The following EIF3B variants were observed in gnomAD, a reference collection of about 807,000 sequenced individuals.
EIF3B encodes eukaryotic translation initiation factor 3 subunit B, also known as eukaryotic translation initiation factor 3 subunit 9.
In EIF3B, 10 loss-of-function variants were observed where a neutral mutation model predicts 104.6. The observed-to-expected ratio is 0.10, with a 90% CI of 0.06 to 0.16. The LOEUF (loss-of-function observed/expected upper bound fraction) is 0.16. Among genes scored for constraint, EIF3B ranks in the 10% least tolerant of loss-of-function variants. The probability of loss-of-function intolerance (pLI) is 1.00; values close to 1 mark genes in which losing one functional copy is unlikely to be tolerated. For synonymous variants in EIF3B, 542 were observed against 417.2 expected (o/e 1.30, Z -3.65); for missense variants, 1,014 against 1,087.9 (o/e 0.93, Z 0.96).
In EIF3B at chr7:2,379,501, G is replaced by A. The variant is rs1451629287; in HGVS notation, c.*4G>A. 1 of 1,563,612 alleles carries A rather than the reference G, an allele frequency of 6.4e-7. No homozygotes were observed. The highest frequency in any genetic ancestry group is 8.7e-7 in the Non-Finnish European group (1 of 1,152,690). ...TCCCCTCGGGAATCAGGAGTGACCTGGAGCACTGTGGTGAGCGTCTGCAGG... is the reference window on the plus strand; with the variant it reads ...TCCCCTCGGGAATCAGGAGTGACCTAGAGCACTGTGGTGAGCGTCTGCAGG... On this transcript the variant is annotated 3_prime_UTR_variant, in exon 18 of 19. Coordinates refer to ENST00000360876, the MANE Select transcript of EIF3B (RefSeq NM_001037283.2).
chr7:2,366,181 C>T (rs1780017482), intron 6 of EIF3B, 136 bp from the exon 7 acceptor site: 6 of 875,292 alleles, frequency 6.9e-6, no homozygotes, highest in Non-Finnish European at 1.0e-5. Flanking sequence ...CCGCTTGGGT[C>T]TCTTGGGGCC....
chr7:2,355,708 A>G (rs1779383776), intron 1 of EIF3B, among the ~76,000 whole-genome samples: 1 of 152,136 alleles, frequency 6.6e-6, no homozygotes, highest in Non-Finnish European at 1.5e-5. Context: ...GAGAGGGCAC[A>G]TGGGGTACTC....
chr7:2,356,348 C>G (rs1056842573), intron 1 of EIF3B, among the ~76,000 whole-genome samples: 1 of 152,100 alleles, frequency 6.6e-6, no homozygotes, highest in African/African-American at 2.4e-5. Flanking sequence ...CTGGGTGGCT[C>G]ACGCCTGTAA....
intron 18 of EIF3B, chr7:2,379,908 C>G (rs2115347706): frequency 3.9e-6 from 1 of 259,084 alleles, no homozygotes. Flanking sequence ...AGACAAGAGC[C>G]TTCCAAGTCG....
At chr7:2,370,746 C>CA (rs1447883089) in intron 10 of EIF3B, among the ~76,000 whole-genome samples, 1 of 151,956 alleles carries the variant, frequency 6.6e-6, no homozygotes, top group Non-Finnish European at 1.5e-5. Context: ...GCCTGGGAAA[C>CA]ACAGTGAGAC....
Position 2,355,106 on chromosome 7 carries a change from C to G in EIF3B, c.185C>G (p.Pro62Arg). The change falls in exon 1 of 19, where the codon CCG becomes CGG. Residue 62 changes from proline to arginine, a missense_variant. Physicochemically the swap from Pro to Arg is moderately radical, Grantham distance 103. This residue lies in a region of EIF3B where 488 missense variants were observed against 404.3 expected (regional missense o/e 1.21). Transcript: ENST00000360876. ...SEEVGIAEAG[P>R]ESEVRTEPAA... ...GAGGTGGGGATCGCGGAGGCCGGGC[C>G]GGAGTCCGAGGTGAGGACCGAGCCG... The G allele has an allele frequency of 7.4e-7, 1 of 1,355,648 alleles. No individual in the cohort carries two copies. The highest frequency in any genetic ancestry group is 9.4e-7 in the Non-Finnish European group (1 of 1,059,856). 84.0% of individuals were successfully genotyped at this position (1,355,648 alleles called of 1,614,324 possible). A position where few individuals can be genotyped will look rare whatever the true frequency, so the allele number is the denominator to read the frequency against.
chr7:2,365,190 A>G (rs1041058442), intron 6 of EIF3B, among the ~76,000 whole-genome samples: 1 of 152,190 alleles, frequency 6.6e-6, no homozygotes, highest in African/African-American at 2.4e-5. Context: ...GGCTCAAGTG[A>G]TCTCCTGCCT....
chr7:2,372,704 T>C lies in EIF3B; in HGVS notation c.1719T>C (p.Asn573=). ...ETIIAFAWEP[N]GSKFAVLHGE... The stretch of plus-strand genomic sequence containing the variant: ...TCATAGCCTTTGCCTGGGAACCAAA[T>C]GGAAGTAAGTTTGCTGTGCTGCACG... Residue 573 remains asparagine (N), a synonymous_variant, in exon 12 of 19, where the codon AAT becomes AAC. Coordinates refer to ENST00000360876, the MANE Select transcript of EIF3B (RefSeq NM_001037283.2). 6.2e-7 allele frequency: 1 copy of C among 1,614,112 alleles called. No individual in the cohort carries two copies. Among genetic ancestry groups the C allele is most frequent in the Non-Finnish European group, 8.5e-7 (1 of 1,179,986 alleles).
chr7:2,372,323 C>A (rs1249933594), intron 11 of EIF3B: 2 of 251,768 alleles, frequency 7.9e-6, no homozygotes, highest in Non-Finnish European at 1.5e-5. Context: ...GGCCGCCCTT[C>A]CAGGCAGGGA....
In EIF3B at chr7:2,355,280, G is replaced by C. The variant is rs1263217631; in HGVS notation, c.359G>C (p.Arg120Pro). 1 of 1,534,282 alleles carries C rather than the reference G, an allele frequency of 6.5e-7. No individual in the cohort carries two copies. Among genetic ancestry groups the C allele is most frequent in the Non-Finnish European group, 8.7e-7 (1 of 1,147,270 alleles). The stretch of plus-strand genomic sequence containing the variant: ...GCTCGGGACGAGCGCTCCGACAGCC[G>C]GGCCCAGGCGGTGTCCGAGGACGCG... ...EQARDERSDSRAQAVSEDAGG... is the reference protein window; with the variant it reads ...EQARDERSDSPAQAVSEDAGG... Residue 120 changes from arginine (R) to proline (P), a missense_variant, in exon 1 of 19, where the codon CGG (arginine) becomes CCG (proline). This residue lies in a region of EIF3B where 488 missense variants were observed against 404.3 expected (regional missense o/e 1.21). Coordinates refer to ENST00000360876, the MANE Select transcript of EIF3B (RefSeq NM_001037283.2).
intron 1 of EIF3B, among the ~76,000 whole-genome samples, chr7:2,356,866 T>C (rs981684995): frequency 6.6e-5 from 10 of 151,824 alleles, no homozygotes; most frequent in African/African-American, 2.2e-4. Flanking sequence ...TTTTTTTTCA[T>C]AAAAGACATT....
chr7:2,364,316 G>A lies in EIF3B; in HGVS notation c.1000-56G>A, dbSNP rs539631913. 4.2e-6 allele frequency: 6 copies of A among 1,438,990 alleles called. No homozygotes were observed. The African/African-American group carries it at 4.4e-5, about 10-fold the overall frequency. The allele number at this position is 1,438,990 out of a possible 1,614,324, so 89.1% of individuals were successfully genotyped here. On this transcript the variant is annotated intron_variant, in intron 5 of 18. Transcript: ENST00000360876. ...TTGTAGGATAAATTCATTGTAGGAG[G>A]GGTCTTTGTGTTTGCCATTTTGTTG...
intron 1 of EIF3B, among the ~76,000 whole-genome samples, chr7:2,356,877 T>TTAGCATGAA (rs1443247115): frequency 6.6e-6 from 1 of 152,142 alleles, no homozygotes; most frequent in Non-Finnish European, 1.5e-5. Flanking sequence ...AAAAGACATT[T>TTAGCATGAA]TAGCATGAAA....
At chr7:2,363,176 G>T in intron 4 of EIF3B, 49 bp downstream of exon 4, 1 of 1,578,282 alleles carries the variant, frequency 6.3e-7, no homozygotes, top group Non-Finnish European at 8.7e-7. Flanking sequence ...AATGCTGCTG[G>T]GTGTGGTGGG....
chr7:2,378,756 A>C lies in EIF3B; in HGVS notation c.2222A>C (p.Lys741Thr), dbSNP rs1387256170. ...FEQKDRLSQS[K>T]ASKELVERRR... ...CAGAAGGATCGTTTGAGTCAGTCCA[A>C]AGCCTCAAAGGTGAGCCTCATTCCC... Residue 741 changes from lysine to threonine, a missense_variant, in exon 16 of 19, where the codon AAA becomes ACA. Coordinates refer to ENST00000360876, the MANE Select transcript of EIF3B (RefSeq NM_001037283.2). The C allele has an allele frequency of 6.2e-7, 1 of 1,613,634 alleles. No homozygotes were observed.
Position 2,375,212 on chromosome 7 carries a change from T to A in EIF3B, c.1890-177T>A, listed in dbSNP as rs1204952653. Reference sequence around the variant, plus strand: ...GTCATATGTAATACTCACTGCACACTCTGCATCTGTGATTTGGTAAGTCTC... The same window carrying A: ...GTCATATGTAATACTCACTGCACACACTGCATCTGTGATTTGGTAAGTCTC... On this transcript the variant is annotated intron_variant, in intron 13 of 18. Transcript: ENST00000360876. 5 of 674,086 alleles carry A rather than the reference T, an allele frequency of 7.4e-6. No homozygotes were observed. The Admixed American group carries it at 9.9e-5, about 13-fold the overall frequency. The allele number at this position is 674,086 out of a possible 1,614,324, so 41.8% of individuals were successfully genotyped here.
intron 1 of EIF3B, 23 bp from the exon 2 acceptor site, chr7:2,360,687 T>C: frequency 1.3e-6 from 2 of 1,557,316 alleles, no homozygotes; most frequent in Non-Finnish European, 1.7e-6. Context: ...AAAATGATCA[T>C]TTGAAAAATC....
At chr7:2,362,272 T>A (rs915112550) in intron 2 of EIF3B, among the ~76,000 whole-genome samples, 6 of 152,176 alleles carry the variant, frequency 3.9e-5, no homozygotes, top group African/African-American at 1.4e-4. Context: ...GATTTTTTTT[T>A]AAACAGCTTT....
In EIF3B at chr7:2,360,828, C is replaced by A. The variant is rs770621899; in HGVS notation, c.618C>A (p.Val206=). Residue 206 remains valine (V), a synonymous_variant, in exon 2 of 19, where the codon GTC becomes GTA. Coordinates refer to ENST00000360876, the MANE Select transcript of EIF3B (RefSeq NM_001037283.2). The part of the protein sequence containing the change: ...GPDRLEKLKN[V]IHKIFSKFGK... ...ACCGACTTGAGAAACTCAAAAATGT[C>A]ATCCACAAGATCTTTTCCAAGTTTG... 6.2e-7 allele frequency: 1 copy of A among 1,613,908 alleles called. No homozygotes were observed.
Sources: allele counts gnomAD v4.1 joint callset (sites outside exome capture counted in the v4.1 genomes callset), GRCh38; gene constraint gnomAD v4.1.1; regional missense constraint gnomAD v4.1.1; transcripts MANE v1.5; gene names NCBI Gene and HGNC (gene_info 2026-07-23, HGNC 2026-07-21).